PEAK1: variants seen among roughly 807,000 people sequenced by gnomAD.
PEAK1 encodes the protein inactive tyrosine-protein kinase PEAK1.
In PEAK1, 54 loss-of-function variants were observed where a neutral mutation model predicts 124.7. That is an observed-to-expected ratio of 0.43 (90% CI 0.35 to 0.54). The LOEUF (loss-of-function observed/expected upper bound fraction) is 0.54, where lower values mean the gene tolerates loss of function less well. Among genes scored for constraint, PEAK1 ranks in the 20% least tolerant of loss-of-function variants. PEAK1 has a pLI of 0.01. For missense variants in PEAK1, 2,046 were observed against 2,134.5 expected (o/e 0.96, Z 0.82); for synonymous variants, 719 against 760.0 (o/e 0.95, Z 0.89).
chr15:77,267,103 T>A lies in PEAK1; in HGVS notation c.-274-14577A>T, dbSNP rs558961086. On this transcript the variant is annotated intron_variant, in intron 5 of 9. Coordinates refer to ENST00000682557, the MANE Select transcript of PEAK1 (RefSeq NM_001385026.1). ...TCCACTTCCCTGGCAACCTGTGTGA[T>A]GCAGCAGAGGCAGCCATAATCTTCC... Among the ~76,000 whole-genome samples the A allele has an allele frequency of 1.2e-4, 19 of 152,242 alleles. 1 individual carries two copies. The highest frequency in any genetic ancestry group is 2.5e-4 in the Non-Finnish European group (17 of 68,006).
intron 2 of PEAK1, among the ~76,000 whole-genome samples, chr15:77,363,237 T>A (rs921437124): frequency 1.3e-5 from 2 of 152,118 alleles, no homozygotes; most frequent in African/African-American, 4.8e-5. Context: ...CCACACCAGA[T>A]TTGGTGCATA....
chr15:77,129,800 A>G (rs527742825), intron 9 of PEAK1, among the ~76,000 whole-genome samples: 1 of 152,222 alleles, frequency 6.6e-6, no homozygotes, highest in East Asian at 1.9e-4. Context: ...TCTTTAAGAG[A>G]CAGTTACACC....
rs1327049900 is a variant in PEAK1 at position 77,115,219 on chromosome 15, T to C, written c.4178A>G (p.His1393Arg). ...ACGGTTAGGGACTTCAGCAAGGAAATGACCACAGTCCTGCTGAATGTTAAA... is the reference window on the plus strand; with the variant it reads ...ACGGTTAGGGACTTCAGCAAGGAAACGACCACAGTCCTGCTGAATGTTAAA... ...VHFNIQQDCGHFLAEVPNRLL... is the reference protein window; with the variant it reads ...VHFNIQQDCGRFLAEVPNRLL... The change falls in exon 10 of 10, where the codon CAT becomes CGT. Residue 1393 changes from histidine to arginine, a missense_variant. Coordinates refer to ENST00000682557, the MANE Select transcript of PEAK1 (RefSeq NM_001385026.1). The C allele has an allele frequency of 6.2e-7, 1 of 1,614,084 alleles. No individual in the cohort carries two copies. The highest frequency in any genetic ancestry group is 8.5e-7 in the Non-Finnish European group (1 of 1,180,056).
intron 2 of PEAK1, among the ~76,000 whole-genome samples, chr15:77,321,672 T>C (rs1002208665): frequency 2.0e-5 from 3 of 152,210 alleles, no homozygotes; most frequent in Non-Finnish European, 2.9e-5. Flanking sequence ...TAGATCCCAA[T>C]TGTCAATTTC....
At chr15:77,148,466 T>C (rs903698914) in intron 8 of PEAK1, among the ~76,000 whole-genome samples, 6 of 152,208 alleles carry the variant, frequency 3.9e-5, no homozygotes, top group African/African-American at 1.4e-4. Context: ...GGGGATCCTG[T>C]AGTCTGTTTT....
intron 3 of PEAK1, 54 bp downstream of exon 3, chr15:77,286,369 A>G (rs1421295336): frequency 2.1e-6 from 2 of 965,440 alleles, no homozygotes; most frequent in Admixed American, 8.6e-5. Flanking sequence ...GATTAATAAA[A>G]GAGATTTAAG....
chr15:77,125,512 GTA>G (rs199619913), intron 9 of PEAK1, among the ~76,000 whole-genome samples: 5 of 151,886 alleles, frequency 3.3e-5, no homozygotes, highest in Non-Finnish European at 7.4e-5. Context: ...GTGTGTGTGT[GTA>G]TATATATCAC....
At chr15:77,359,540 C>A (rs2067747184) in intron 2 of PEAK1, among the ~76,000 whole-genome samples, 1 of 151,894 alleles carries the variant, frequency 6.6e-6, no homozygotes, top group South Asian at 2.1e-4. Flanking sequence ...ATGACATGAT[C>A]TTACATATTA....
In PEAK1 at chr15:77,181,808, TG is replaced by T; in HGVS notation, c.118del (p.His40MetfsTer4). ...ATTGGCATTAGTTTTCACATTGCCA[TG>T]GGTGATGGGTGCCTTCTCAGGGTCT... ...PPDPEKAPIT[H>X]GNVKTNANHS... On this transcript the variant is annotated frameshift_variant, in exon 7 of 10. Transcript: ENST00000682557. LOFTEE classifies it high-confidence loss of function. 6.2e-7 allele frequency: 1 copy of T among 1,614,130 alleles called. No homozygotes were observed. The highest frequency in any genetic ancestry group is 8.5e-7 in the Non-Finnish European group (1 of 1,179,974).
At chr15:77,209,199 A>C (rs770643194) in intron 6 of PEAK1, among the ~76,000 whole-genome samples, 2 of 152,204 alleles carry the variant, frequency 1.3e-5, no homozygotes, top group Non-Finnish European at 2.9e-5. Flanking sequence ...AAAAGAAAAA[A>C]ATTGTTTGTG....
At position 77,334,841 on chromosome 15, in the gene PEAK1, T is replaced by C. The variant is rs1229279929; in HGVS notation, c.-603+30322A>G. 11 of 985,318 alleles carry C rather than the reference T, an allele frequency of 1.1e-5. No homozygotes were observed. The Admixed American group carries it at 3.1e-4, about 28-fold the overall frequency. The allele number at this position is 985,318 out of a possible 1,614,324, so 61.0% of individuals were successfully genotyped here. On this transcript the variant is annotated intron_variant, in intron 2 of 9. Transcript: ENST00000682557. Reference sequence around the variant, plus strand: ...TGCTATTCACTGCATCCAGAGATTTTAATTTGGCAACTGTATTTTCATGCC... The same window carrying C: ...TGCTATTCACTGCATCCAGAGATTTCAATTTGGCAACTGTATTTTCATGCC...
intron 2 of PEAK1, among the ~76,000 whole-genome samples, chr15:77,313,215 G>A (rs1245062788): frequency 2.0e-5 from 3 of 152,068 alleles, no homozygotes; most frequent in Non-Finnish European, 4.4e-5. Flanking sequence ...TGTCAAAGGG[G>A]CGCAGGAGGC....
At chr15:77,377,462 T>C (rs2069122856) in intron 1 of PEAK1, among the ~76,000 whole-genome samples, 2 of 152,072 alleles carry the variant, frequency 1.3e-5, no homozygotes, top group South Asian at 4.2e-4. Flanking sequence ...TACTCTTTTT[T>C]TTTTTTTTGA....
At chr15:77,320,743 T>C (rs1005606253) in intron 2 of PEAK1, among the ~76,000 whole-genome samples, 16 of 152,192 alleles carry the variant, frequency 1.1e-4, no homozygotes, top group Admixed American at 2.6e-4. Context: ...ATGTGCCATG[T>C]TGGTGTGCTG....
chr15:77,167,928 C>T (rs1296359661), intron 7 of PEAK1, among the ~76,000 whole-genome samples: 1 of 152,142 alleles, frequency 6.6e-6, no homozygotes, highest in African/African-American at 2.4e-5. Context: ...TGAGGTTCCC[C>T]GCCCTGTCTC....
At chr15:77,404,751 T>A in intron 1 of PEAK1, 2 of 954,270 alleles carry the variant, frequency 2.1e-6, no homozygotes, top group Non-Finnish European at 2.5e-6. Context: ...AAGTCTATGA[T>A]ACATTATCAG....
chr15:77,198,926 T>C (rs144946646), intron 6 of PEAK1, among the ~76,000 whole-genome samples: 109 of 152,322 alleles, frequency 7.2e-4, no homozygotes, highest in Non-Finnish European at 1.4e-3. Context: ...GAGCAGGCTT[T>C]TAGTGCAAAT....
At chr15:77,237,569 T>G (rs575229804) in intron 6 of PEAK1, among the ~76,000 whole-genome samples, 137 of 152,218 alleles carry the variant, frequency 9.0e-4, no homozygotes, top group African/African-American at 3.2e-3. Flanking sequence ...GTATACTGAA[T>G]GTTTATCTCT....
intron 1 of PEAK1, among the ~76,000 whole-genome samples, chr15:77,367,733 T>C (rs1321460604): frequency 6.6e-6 from 1 of 152,246 alleles, no homozygotes; most frequent in Non-Finnish European, 1.5e-5. Context: ...TAAGTACGTA[T>C]TTTTATGTTT....
Sources: allele counts gnomAD v4.1 joint callset (sites outside exome capture counted in the v4.1 genomes callset), GRCh38; gene constraint gnomAD v4.1.1; transcripts MANE v1.5; gene names NCBI Gene and HGNC (gene_info 2026-07-23, HGNC 2026-07-21).